Variants in ERC2 observed in about 807,000 individuals in gnomAD.
ERC2 encodes the protein ELKS/RAB6-interacting/CAST family member 2.
In ERC2, 42 loss-of-function variants were observed where a neutral mutation model predicts 114.8. The ratio of observed to expected loss-of-function variants is 0.37; its 90% CI spans 0.29 to 0.47. The LOEUF is 0.47. ERC2 is among the 20% of genes least tolerant of loss of function. The probability of loss-of-function intolerance (pLI) is 0.99; values close to 1 mark genes in which losing one functional copy is unlikely to be tolerated. For missense variants in ERC2, 939 were observed against 1,150.7 expected (o/e 0.82, Z 2.66); for synonymous variants, 454 against 425.5 (o/e 1.07, Z -0.82).
intron 2 of ERC2, among the ~76,000 whole-genome samples, chr3:56,415,272 A>G (rs1469118382): frequency 6.6e-6 from 1 of 152,262 alleles, no homozygotes; most frequent in African/African-American, 2.4e-5. Context: ...ATGGATGGAT[A>G]GATAGACAGA....
At chr3:55,812,028 C>G (rs2059739024) in intron 14 of ERC2, among the ~76,000 whole-genome samples, 1 of 152,210 alleles carries the variant, frequency 6.6e-6, no homozygotes, top group Non-Finnish European at 1.5e-5. Flanking sequence ...GCCCACCCCA[C>G]AGGCCCCAGT....
In ERC2 at chr3:55,699,433, T is replaced by C; in HGVS notation, c.2792A>G (p.His931Arg). 8.7e-6 allele frequency: 14 copies of C among 1,613,516 alleles called. No individual in the cohort carries two copies. The highest frequency in any genetic ancestry group is 1.1e-5 in the Non-Finnish European group (13 of 1,179,736). The change falls in exon 16 of 18, where the codon CAC (histidine) becomes CGC (arginine). Residue 931 changes from histidine (H) to arginine (R), a missense_variant. His to Arg is a conservative substitution (Grantham distance 29, BLOSUM62 0). This residue lies in a region of ERC2 where 328 missense variants were observed against 353.9 expected (regional missense o/e 0.93). Coordinates refer to ENST00000288221, the MANE Select transcript of ERC2 (RefSeq NM_015576.3). Reference protein sequence around the residue: ...HHYHHHHHHHHHRSPGRSQHS... With the variant: ...HHYHHHHHHHRHRSPGRSQHS... ...TTGCGACCTCCCAGGAGATCGATGGTGGTGGTGATGGTGGTGGTGGTGGTA... is the reference window on the plus strand; with the variant it reads ...TTGCGACCTCCCAGGAGATCGATGGCGGTGGTGATGGTGGTGGTGGTGGTA...
intron 17 of ERC2, chr3:55,606,669 A>G (rs2058656112): frequency 6.6e-6 from 1 of 152,258 alleles, no homozygotes. Context: ...AGCAAAATGT[A>G]AAGTACATGT....
intron 17 of ERC2, among the ~76,000 whole-genome samples, chr3:55,649,121 T>C (rs1306158090): frequency 6.6e-6 from 1 of 152,142 alleles, no homozygotes; most frequent in Non-Finnish European, 1.5e-5. Flanking sequence ...GACACCTGCA[T>C]AAATACACCT....
chr3:55,577,984 C>G (rs1474278164), intron 17 of ERC2, among the ~76,000 whole-genome samples: 2 of 152,136 alleles, frequency 1.3e-5, no homozygotes, highest in Non-Finnish European at 1.5e-5. Flanking sequence ...GGGACGTGGC[C>G]CCCACTGCAG....
At chr3:55,923,566 G>T (rs1449032608) in intron 13 of ERC2, among the ~76,000 whole-genome samples, 3 of 151,992 alleles carry the variant, frequency 2.0e-5, no homozygotes, top group Non-Finnish European at 2.9e-5. Flanking sequence ...AGCAAACAAG[G>T]AATTATTTTC....
chr3:55,615,864 G>A (rs1037298843), intron 17 of ERC2, among the ~76,000 whole-genome samples: 1 of 152,194 alleles, frequency 6.6e-6, no homozygotes, highest in Non-Finnish European at 1.5e-5. Context: ...CCATTTGGCC[G>A]GAGGGCTCTG....
intron 14 of ERC2, among the ~76,000 whole-genome samples, chr3:55,869,555 C>A (rs1385189062): frequency 2.6e-5 from 4 of 152,180 alleles, no homozygotes; most frequent in African/African-American, 9.7e-5. Context: ...TTCCACCACA[C>A]AGGTCGTAGT....
At chr3:55,827,446 G>A (rs1350985155) in intron 14 of ERC2, among the ~76,000 whole-genome samples, 1 of 151,592 alleles carries the variant, frequency 6.6e-6, no homozygotes, top group African/African-American at 2.4e-5. Context: ...GAGGGAGGAA[G>A]AAAGGAAGAG....
chr3:55,810,199 A>G (rs1351909114), intron 14 of ERC2, among the ~76,000 whole-genome samples: 1 of 152,190 alleles, frequency 6.6e-6, no homozygotes, highest in African/African-American at 2.4e-5. Context: ...CACAGAAATC[A>G]TATCATAGAA....
chr3:55,715,500 C>G (rs941391628), intron 15 of ERC2, among the ~76,000 whole-genome samples: 2 of 152,094 alleles, frequency 1.3e-5, no homozygotes, highest in African/African-American at 4.8e-5. Flanking sequence ...TATATAGAAG[C>G]TTGGACATTA....
intron 14 of ERC2, among the ~76,000 whole-genome samples, chr3:55,797,959 TAGACAC>T (rs2070652560): frequency 6.6e-6 from 1 of 152,124 alleles, no homozygotes; most frequent in African/African-American, 2.4e-5. Flanking sequence ...AGCCACATAG[TAGACAC>T]AGGTGAAGAG....
At chr3:55,780,219 T>C (rs2068928472) in intron 14 of ERC2, among the ~76,000 whole-genome samples, 1 of 152,148 alleles carries the variant, frequency 6.6e-6, no homozygotes, top group South Asian at 2.1e-4. Context: ...AAACCGCTAT[T>C]GTAAAAGAGA....
intron 14 of ERC2, among the ~76,000 whole-genome samples, chr3:55,840,486 G>T (rs1217913349): frequency 1.3e-5 from 2 of 151,752 alleles, no homozygotes; most frequent in African/African-American, 4.8e-5. Context: ...CATACCAAGT[G>T]TTGGTTAAGA....
chr3:55,884,487 C>G (rs1051919736), intron 14 of ERC2, among the ~76,000 whole-genome samples: 2 of 152,050 alleles, frequency 1.3e-5, no homozygotes, highest in Non-Finnish European at 2.9e-5. Context: ...ACAATATCAC[C>G]TAACAAACAT....
At position 56,403,245 on chromosome 3, in the gene ERC2, A is replaced by T. The variant is rs76720652; in HGVS notation, c.657+31106T>A. On this transcript the variant is annotated intron_variant, in intron 2 of 17. Coordinates refer to ENST00000288221, the MANE Select transcript of ERC2 (RefSeq NM_015576.3). ...GTACCAAACAGCTATAACTGTTTCAAAACTCATACAATGAAAGTGAAGTCT... is the reference window on the plus strand; with the variant it reads ...GTACCAAACAGCTATAACTGTTTCATAACTCATACAATGAAAGTGAAGTCT... Among the ~76,000 whole-genome samples, 1,074 of 152,340 alleles carry T rather than the reference A, an allele frequency of 7.1e-3. 23 individuals carry two copies. The highest frequency in any genetic ancestry group is 0.025 in the African/African-American group (1,027 of 41,576).
intron 3 of ERC2, among the ~76,000 whole-genome samples, chr3:56,277,458 G>C (rs1051002623): frequency 2.0e-5 from 3 of 152,018 alleles, no homozygotes; most frequent in Non-Finnish European, 4.4e-5. Context: ...CCTCCCTCGT[G>C]ACTGTCACAG....
chr3:55,913,149 C>T (rs546713466), intron 13 of ERC2, among the ~76,000 whole-genome samples: 2 of 152,208 alleles, frequency 1.3e-5, no homozygotes, highest in Admixed American at 1.3e-4. Flanking sequence ...CCACACCTGG[C>T]TATTTTTCTT....
At chr3:55,703,855 G>A (rs1414089648) in intron 15 of ERC2, among the ~76,000 whole-genome samples, 1 of 152,200 alleles carries the variant, frequency 6.6e-6, no homozygotes, top group African/African-American at 2.4e-5. Context: ...GGAAGAGTAT[G>A]TGCATAGCTT....
Sources: gnomAD v4.1 joint callset for allele counts (sites outside exome capture counted in the v4.1 genomes callset) on GRCh38, gnomAD v4.1.1 for gene constraint, gnomAD v4.1.1 regional missense constraint, MANE v1.5 for transcripts, NCBI Gene and HGNC (gene_info 2026-07-23, HGNC 2026-07-21) for gene names.